The following FAF1 variants were observed in gnomAD, a reference collection of about 807,000 sequenced individuals.
The protein encoded by FAF1 is FAS-associated factor 1.
FAF1 carries 25 observed loss-of-function variants against 92.5 expected under a neutral mutation model. That is an observed-to-expected ratio of 0.27 (90% CI 0.20 to 0.38). FAF1 has a LOEUF of 0.38. Ranked by LOEUF, FAF1 falls within the 10% of genes least tolerant of loss-of-function variation. The pLI is 1.00. For synonymous variants in FAF1, 234 were observed against 273.2 expected (o/e 0.86, Z 1.42); for missense variants, 636 against 793.3 (o/e 0.80, Z 2.38).
chr1:50,467,446 T>C (rs575133887), intron 18 of FAF1, among the ~76,000 whole-genome samples: 3 of 152,292 alleles, frequency 2.0e-5, no homozygotes, highest in Admixed American at 1.3e-4. Context: ...CCCGAGTAGC[T>C]GGGACCACAG....
intron 15 of FAF1, among the ~76,000 whole-genome samples, chr1:50,520,622 G>T (rs1271873246): frequency 1.3e-5 from 2 of 152,110 alleles, no homozygotes; most frequent in Non-Finnish European, 2.9e-5. Context: ...TGAGGCAGGT[G>T]GATCACTTGA....
At chr1:50,821,778 A>G (rs540183149) in intron 2 of FAF1, among the ~76,000 whole-genome samples, 32 of 152,356 alleles carry the variant, frequency 2.1e-4, no homozygotes, top group African/African-American at 7.7e-4. Context: ...CTGCTTTTAC[A>G]GTAATTATTG....
intron 1 of FAF1, among the ~76,000 whole-genome samples, chr1:50,941,781 G>A (rs747068959): frequency 2.6e-5 from 4 of 152,136 alleles, no homozygotes; most frequent in African/African-American, 7.2e-5. Flanking sequence ...AGGGAAACAC[G>A]TTCCCCCATT....
intron 1 of FAF1, among the ~76,000 whole-genome samples, chr1:50,912,036 C>CA (rs796964084): frequency 0.017 from 2,321 of 133,738 alleles, 49 homozygotes; most frequent in African/African-American, 0.052. Context: ...GACACTATCT[C>CA]AAAAAAAAAA....
chr1:50,810,227 C>T (rs1662366812), intron 2 of FAF1, among the ~76,000 whole-genome samples: 2 of 151,952 alleles, frequency 1.3e-5, no homozygotes, highest in Non-Finnish European at 2.9e-5. Context: ...TGCACTCCAG[C>T]CTGGGCAACA....
intron 6 of FAF1, among the ~76,000 whole-genome samples, chr1:50,738,649 T>C (rs188851535): frequency 1.6e-4 from 25 of 152,284 alleles, no homozygotes; most frequent in Admixed American, 3.9e-4. Flanking sequence ...ACTGGAGTTA[T>C]GCTAAAGACT....
intron 18 of FAF1, among the ~76,000 whole-genome samples, chr1:50,455,647 A>G (rs1646342030): frequency 6.6e-6 from 1 of 152,216 alleles, no homozygotes; most frequent in Non-Finnish European, 1.5e-5. Flanking sequence ...GAAAATTAAG[A>G]AAACACTTAA....
At chr1:50,587,872 A>C (rs1651312893) in intron 9 of FAF1, among the ~76,000 whole-genome samples, 1 of 152,200 alleles carries the variant, frequency 6.6e-6, no homozygotes, top group Admixed American at 6.5e-5. Context: ...ATGATAACTA[A>C]ACCGTTTAAG....
At chr1:50,636,710 A>G (rs1288743184) in intron 8 of FAF1, among the ~76,000 whole-genome samples, 1 of 152,140 alleles carries the variant, frequency 6.6e-6, no homozygotes, top group East Asian at 1.9e-4. Context: ...AATTGTAATG[A>G]AGTCCAATTT....
intron 2 of FAF1, among the ~76,000 whole-genome samples, chr1:50,816,174 C>T (rs1643971531): frequency 6.7e-6 from 1 of 149,344 alleles, no homozygotes; most frequent in Non-Finnish European, 1.5e-5. Context: ...CGGTCATTCA[C>T]GTCTTTTGCC....
chr1:50,440,607 G>T lies in FAF1; in HGVS notation c.*833C>A, dbSNP rs943508046. The stretch of plus-strand genomic sequence containing the variant: ...AGAAAGCAAGAGAGAATTGTGTTCA[G>T]TTTACACTGATGGACTAGCAACTTG... On this transcript the variant is annotated 3_prime_UTR_variant, in exon 19 of 19. Coordinates refer to ENST00000396153, the MANE Select transcript of FAF1 (RefSeq NM_007051.3). 6.6e-6 allele frequency: 1 copy of T among 152,262 alleles called. No homozygotes were observed. The highest frequency in any genetic ancestry group is 1.5e-5 in the Non-Finnish European group (1 of 68,060). 9.4% of individuals were successfully genotyped at this position (152,262 alleles called of 1,614,324 possible). A position where few individuals can be genotyped will look rare whatever the true frequency, so the allele number is the denominator to read the frequency against.
Position 50,720,490 on chromosome 1 carries a change from C to G in FAF1, c.552-14599G>C, listed in dbSNP as rs916910682. 7.9e-5 allele frequency among the ~76,000 whole-genome samples: 12 copies of G among 152,242 alleles called. No individual in the cohort carries two copies. The South Asian group carries it at 2.5e-3, about 32-fold the overall frequency. ...ATTGTTCTAATTACAATACTGATAA[C>G]TTAAAATACTTTTACGGATAAATAT... On this transcript the variant is annotated intron_variant, in intron 6 of 18. Transcript: ENST00000396153.
At chr1:50,882,567 A>C (rs1291294648) in intron 1 of FAF1, among the ~76,000 whole-genome samples, 5 of 152,154 alleles carry the variant, frequency 3.3e-5, no homozygotes, top group African/African-American at 1.2e-4. Context: ...ACCTCACTGC[A>C]GTCCAGCCTG....
intron 1 of FAF1, among the ~76,000 whole-genome samples, chr1:50,906,613 T>C (rs1644840984): frequency 6.6e-6 from 1 of 152,196 alleles, no homozygotes; most frequent in Non-Finnish European, 1.5e-5. Context: ...TAAGTTGGAT[T>C]CCTAGGTATT....
chr1:50,467,881 GATTTACTCTTTCTACAATGA>G (rs1557957330), intron 18 of FAF1, among the ~76,000 whole-genome samples: 1 of 152,098 alleles, frequency 6.6e-6, no homozygotes, highest in African/African-American at 2.4e-5. Flanking sequence ...TAATTAGCTT[GATTTACTCTTTCTACAATGA>G]ATACATATAT....
At chr1:50,540,835 G>A (rs1050094276) in intron 13 of FAF1, among the ~76,000 whole-genome samples, 1 of 152,112 alleles carries the variant, frequency 6.6e-6, no homozygotes, top group Non-Finnish European at 1.5e-5. Context: ...TAATAACACA[G>A]GTCACAAAAG....
chr1:50,910,369 G>C (rs1197896515), intron 1 of FAF1, among the ~76,000 whole-genome samples: 1 of 152,194 alleles, frequency 6.6e-6, no homozygotes, highest in African/African-American at 2.4e-5. Context: ...TCCATTCTCA[G>C]ATCTCAAACT....
intron 1 of FAF1, among the ~76,000 whole-genome samples, chr1:50,871,957 C>T (rs544646273): frequency 2.7e-5 from 4 of 148,914 alleles, no homozygotes; most frequent in East Asian, 4.0e-4. Context: ...CCCAGCTACT[C>T]GGGAGGCTGA....
At chr1:50,678,393 CAT>C (rs985353575) in intron 7 of FAF1, among the ~76,000 whole-genome samples, 36 of 152,344 alleles carry the variant, frequency 2.4e-4, no homozygotes, top group African/African-American at 7.9e-4. Context: ...TTATCCAAAA[CAT>C]ACAAATTAGT....
Sources: allele counts gnomAD v4.1 joint callset (sites outside exome capture counted in the v4.1 genomes callset), GRCh38; gene constraint gnomAD v4.1.1; transcripts MANE v1.5; gene names NCBI Gene and HGNC (gene_info 2026-07-23, HGNC 2026-07-21).